SCO2: variants seen among roughly 807,000 people sequenced by gnomAD.
SCO2 encodes synthesis of cytochrome C oxidase 2.
For missense variants in SCO2, 429 were observed against 348.7 expected (o/e 1.23, Z -1.83); for synonymous variants, 195 against 148.6 (o/e 1.31, Z -2.27).
chr22:50,526,388 G>T (rs1424916030), upstream of SCO2: 2 of 1,525,428 alleles, frequency 1.3e-6, no homozygotes, highest in Non-Finnish European at 1.7e-6. Context: ...AGCGGCCAAG[G>T]GCCGAGCCGT....
upstream of SCO2, chr22:50,525,992 G>A (rs1349626175): frequency 6.4e-6 from 9 of 1,409,504 alleles, no homozygotes; most frequent in East Asian, 1.5e-4. Flanking sequence ...GGGCGGGGGC[G>A]GCGCTCACCA....
Position 50,524,063 on chromosome 22 carries a change from C to T in SCO2, c.349G>A (p.Ala117Thr). Residue 117 changes from alanine (A) to threonine (T), a missense_variant, in exon 2 of 2, where the codon GCT becomes ACT. Transcript: ENST00000395693. Reference sequence around the variant, plus strand: ...AGCACCCACTGGCCCCGGAAGTCAGCCTTGCAGCGAGCCCGGCCTCTGTGA... The same window carrying T: ...AGCACCCACTGGCCCCGGAAGTCAGTCTTGCAGCGAGCCCGGCCTCTGTGA... ...LDHRGRARCK[A>T]DFRGQWVLMY... The T allele has an allele frequency of 1.9e-6, 3 of 1,613,332 alleles. No individual in the cohort carries two copies. Among genetic ancestry groups the T allele is most frequent in the Non-Finnish European group, 2.5e-6 (3 of 1,180,020 alleles).
rs138350129 is a variant in SCO2 at position 50,524,176 on chromosome 22, C to G, written c.236G>C (p.Arg79Thr). 47 of 1,609,814 alleles carry G rather than the reference C, an allele frequency of 2.9e-5. No individual in the cohort carries two copies. The African/African-American group carries it at 6.3e-4, about 21-fold the overall frequency. The change falls in exon 2 of 2, where the codon AGG becomes ACG. Residue 79 changes from arginine to threonine, a missense_variant. Physicochemically the swap from Arg to Thr is moderately conservative, Grantham distance 71. Transcript: ENST00000395693. ...CTGCTGCAGCCTCTCCTTCTCAGCC[C>G]TCAGGGCCAGCCAGGCCCCACCGAG... ...AGLGGAWLAL[R>T]AEKERLQQQK...
intron 1 of SCO2, 41 bp from the exon 2 acceptor site, chr22:50,524,465 C>G: frequency 6.3e-7 from 1 of 1,580,096 alleles, no homozygotes; most frequent in Non-Finnish European, 8.7e-7. Context: ...AAGGGAAGGC[C>G]CAGGACAGTG....
chr22:50,526,245 C>T (rs1044840059), upstream of SCO2: 7 of 1,540,804 alleles, frequency 4.5e-6, no homozygotes, highest in African/African-American at 7.1e-5. Flanking sequence ...CCGACGCTCA[C>T]CATCTGCGGG....
intron 1 of SCO2, 122 bp from the exon 2 acceptor site, chr22:50,524,546 G>C (rs2069246229): frequency 1.2e-6 from 1 of 868,178 alleles, no homozygotes; most frequent in Admixed American, 2.0e-5. Flanking sequence ...GGCTTAACAG[G>C]CATTTGCAGC....
At chr22:50,525,720 A>C, upstream of SCO2, 1 of 1,588,194 alleles carries the variant, frequency 6.3e-7, no homozygotes. Context: ...GCAGCCCTGG[A>C]TCCTTCCGCT....
In SCO2 at chr22:50,523,627, C is replaced by T. The variant is rs765618296; in HGVS notation, c.785G>A (p.Arg262His). 1.8e-5 allele frequency: 29 copies of T among 1,613,418 alleles called. No homozygotes were observed. Among genetic ancestry groups the T allele is most frequent in the South Asian group, 7.7e-5 (7 of 91,060 alleles). ...TGCAGTGGCTCAAGACAGGACACTG[C>T]GGAAAGCCGCCATGTGCCGCCGCAC... ...DSVRRHMAAF[R>H]SVLS The change falls in exon 2 of 2, where the codon CGC becomes CAC. Residue 262 changes from arginine (R) to histidine (H), a missense_variant. Arg to His is a conservative substitution (Grantham distance 29). Coordinates refer to ENST00000395693, the MANE Select transcript of SCO2 (RefSeq NM_005138.3).
chr22:50,523,746 C>A lies in SCO2; in HGVS notation c.666G>T (p.Val222=). ...GCAGGTAGATGGCAATGGAGTGGTC[C>A]ACGATGTAGTCCTGGTCCTCATCCT... ...GPKDEDQDYI[V]DHSIAIYLLN... is the part of the protein sequence containing the mutation. The change falls in exon 2 of 2, where the codon GTG becomes GTT. Residue 222 remains valine (V), a synonymous_variant. Coordinates refer to ENST00000395693, the MANE Select transcript of SCO2 (RefSeq NM_005138.3). 1 of 1,614,190 alleles carries A rather than the reference C, an allele frequency of 6.2e-7. No homozygotes were observed. The highest frequency in any genetic ancestry group is 8.5e-7 in the Non-Finnish European group (1 of 1,180,042).
At chr22:50,525,924 G>A, upstream of SCO2, 1 of 1,503,060 alleles carries the variant, frequency 6.7e-7, no homozygotes, top group Non-Finnish European at 8.9e-7. Context: ...GGTCCCTGCA[G>A]AGCGAGGGGC....
intron 1 of SCO2, among the ~76,000 whole-genome samples, chr22:50,525,135 G>A (rs761417230): frequency 5.0e-4 from 76 of 152,168 alleles, no homozygotes; most frequent in Admixed American, 1.2e-3. Context: ...CCCGGTCACT[G>A]CCCCCTCCTG....
upstream of SCO2, chr22:50,526,074 G>A (rs2069352107): frequency 4.0e-6 from 6 of 1,483,802 alleles, no homozygotes; most frequent in Non-Finnish European, 5.3e-6. Context: ...CCCCAGCGCG[G>A]CTGCGCCCGG....
Position 50,523,835 on chromosome 22 carries a change from C to T in SCO2, c.577G>A (p.Gly193Ser), listed in dbSNP as rs759452074. The change falls in exon 2 of 2, where the codon GGC (glycine) becomes AGC (serine). Residue 193 changes from glycine to serine, a missense_variant. Physicochemically the swap from Gly to Ser is moderately conservative, Grantham distance 56. Coordinates refer to ENST00000395693, the MANE Select transcript of SCO2 (RefSeq NM_005138.3). ...GCCTGGGCAACCTGTTTGGTGGAGC[C>T]GGTCAGACCCAACAGTCTTGGGTGG... ...DFHPRLLGLTGSTKQVAQASH... is the reference protein window; with the variant it reads ...DFHPRLLGLTSSTKQVAQASH... The T allele has an allele frequency of 1.4e-5, 23 of 1,613,906 alleles. No homozygotes were observed. The East Asian group carries it at 1.8e-4, about 13-fold the overall frequency.
In SCO2 at chr22:50,524,262, G is replaced by A; in HGVS notation, c.150C>T (p.Gly50=). 3 of 1,604,658 alleles carry A rather than the reference G, an allele frequency of 1.9e-6. No homozygotes were observed. Among genetic ancestry groups the A allele is most frequent in the Non-Finnish European group, 2.5e-6 (3 of 1,179,770 alleles). ...TTCGAAGCCCAGGGCCCTGGGGCTGGCCCTGCCCACCTGTCTCTGCAGGGC... is the reference window on the plus strand; with the variant it reads ...TTCGAAGCCCAGGGCCCTGGGGCTGACCCTGCCCACCTGTCTCTGCAGGGC... ...RQGPAETGGQ[G]QPQGPGLRTR... The change falls in exon 2 of 2, where the codon GGC becomes GGT. Residue 50 remains glycine, a synonymous_variant. Coordinates refer to ENST00000395693, the MANE Select transcript of SCO2 (RefSeq NM_005138.3).
chr22:50,525,675 G>T, upstream of SCO2: 16 of 1,533,202 alleles, frequency 1.0e-5, no homozygotes, highest in Middle Eastern at 2.1e-4. Context: ...GAGCCCGCCG[G>T]GGGTCACGTG....
upstream of SCO2, chr22:50,525,904 G>C: frequency 6.5e-7 from 1 of 1,546,906 alleles, no homozygotes; most frequent in Non-Finnish European, 8.7e-7. Flanking sequence ...CGGTGCACGC[G>C]GAGCCAGGGG....
chr22:50,524,691 A>G (rs2069255887), intron 1 of SCO2: 2 of 662,864 alleles, frequency 3.0e-6, no homozygotes, highest in Non-Finnish European at 5.7e-6. Flanking sequence ...CAGCAAGGTG[A>G]ACCTCTTGCT....
rs143413019 is a variant in SCO2, at chr22:50,525,589, C to CGCAGGCAGGGCGCAG, written c.-132_-131insCTGCGCCCTGCCTGC. On this transcript the variant is annotated 5_prime_UTR_variant, in exon 1 of 2. Transcript: ENST00000395693. Reference sequence around the variant, plus strand: ...GGGCGCCACACGCTCACAGGCAGGGCGCAGGCGTCCCCGGAGCTGCGCATG... The same window carrying CGCAGGCAGGGCGCAG: ...GGGCGCCACACGCTCACAGGCAGGGCGCAGGCAGGGCGCAGGCAGGCGTCCCCGGAGCTGCGCATG... 1 of 923,370 alleles carries CGCAGGCAGGGCGCAG rather than the reference C, an allele frequency of 1.1e-6. No individual in the cohort carries two copies. Among genetic ancestry groups the CGCAGGCAGGGCGCAG allele is most frequent in the African/African-American group, 1.7e-5 (1 of 58,950 alleles). The allele number at this position is 923,370 out of a possible 1,614,324, so 57.2% of individuals were successfully genotyped here.
chr22:50,525,911 G>A (rs777354807), upstream of SCO2: 30 of 1,537,252 alleles, frequency 2.0e-5, no homozygotes, highest in African/African-American at 3.5e-4. Flanking sequence ...CGCGGAGCCA[G>A]GGGGTCCCTG....
Sources: allele counts gnomAD v4.1 joint callset (sites outside exome capture counted in the v4.1 genomes callset), GRCh38; gene constraint gnomAD v4.1.1; transcripts MANE v1.5; gene names NCBI Gene and HGNC (gene_info 2026-07-23, HGNC 2026-07-21).